TTN: variants seen among roughly 807,000 people sequenced by gnomAD.
TTN encodes the protein titin, also known as connectin.
A neutral mutation model predicts 3,223.0 loss-of-function variants in TTN; 1,525 were observed. The ratio of observed to expected loss-of-function variants is 0.47; its 90% CI spans 0.45 to 0.49. The LOEUF is 0.49. Ranked by LOEUF, TTN falls within the 20% of genes least tolerant of loss-of-function variation. The pLI, the probability that TTN is intolerant of heterozygous loss-of-function variation, is 0.00. For synonymous variants in TTN, 14,094 were observed against 15,161.0 expected, an observed-to-expected ratio of 0.93 and a Z score of 5.17; for missense variants, 40,786 against 43,424.0, an observed-to-expected ratio of 0.94 and a Z score of 5.40.
chr2:178,639,419 GC>G (rs910947569), intron 223 of TTN, among the ~76,000 whole-genome samples: 2 of 151,892 alleles, frequency 1.3e-5, no homozygotes, highest in African/African-American at 4.8e-5. Flanking sequence ...GTTTTTATCA[GC>G]CCCAAACATA....
At chr2:178,556,587 A>G in intron 330 of TTN, 1 of 488,778 alleles carries the variant, frequency 2.0e-6, no homozygotes, top group Non-Finnish European at 3.6e-6. Flanking sequence ...GCACCAACTC[A>G]TACAATCAAT....
chr2:178,604,781 T>C lies in TTN; in HGVS notation c.54308A>G (p.Asp18103Gly). The C allele has an allele frequency of 6.2e-7, 1 of 1,612,380 alleles. No homozygotes were observed. Residue 18103 changes from aspartate to glycine, a missense_variant, in exon 281 of 363, where the codon GAC (aspartate) becomes GGC (glycine). Asp to Gly is a moderately conservative substitution (Grantham distance 94, BLOSUM62 -1). Coordinates refer to ENST00000589042, the MANE Select transcript of TTN (RefSeq NM_001267550.2). ...TTTCTTCCTACTTGCATCACGTTTG[T>C]CAATAACATAATGGGTGATTTCACT... ...GGSEITHYVIDKRDASRKKAE... is the reference protein window; with the variant it reads ...GGSEITHYVIGKRDASRKKAE...
chr2:178,677,114 A>T, intron 147 of TTN, 87 bp downstream of exon 147: 1 of 809,238 alleles, frequency 1.2e-6, no homozygotes, highest in Non-Finnish European at 1.6e-6. Context: ...CATTTTGTAA[A>T]TATAATTTTC....
Position 178,766,628 on chromosome 2 carries a change from C to A in TTN, c.9472-16G>T. On this transcript the variant is annotated splice_polypyrimidine_tract_variant and intron_variant, in intron 40 of 362. Transcript: ENST00000589042. ...TCTCAATGACCTGTTGATGGAACAA[C>A]ATAAAAAAACAACAACAACAACAAA... 1 of 1,593,290 alleles carries A rather than the reference C, an allele frequency of 6.3e-7. No individual in the cohort carries two copies. The highest frequency in any genetic ancestry group is 8.6e-7 in the Non-Finnish European group (1 of 1,162,856).
At chr2:178,708,589 A>G (rs2154293657) in intron 99 of TTN, among the ~76,000 whole-genome samples, 1 of 152,222 alleles carries the variant, frequency 6.6e-6, no homozygotes, top group East Asian at 1.9e-4. Flanking sequence ...AATTCTATAG[A>G]AAGCATTTAT....
chr2:178,787,019 C>G (rs16866534), intron 13 of TTN, among the ~76,000 whole-genome samples: 1 of 152,052 alleles, frequency 6.6e-6, no homozygotes, highest in South Asian at 2.1e-4. Context: ...CTATGTGATA[C>G]TTGGAAACAG....
At chr2:178,789,628 C>A in intron 12 of TTN, 131 bp from the exon 13 acceptor site, 1 of 1,254,526 alleles carries the variant, frequency 8.0e-7, no homozygotes, top group South Asian at 1.3e-5. Flanking sequence ...AATAAACTTT[C>A]ACCGGCAATG....
rs757441189 is a variant in TTN, at chr2:178,563,070, G to A, written c.83062C>T (p.Arg27688Cys). Residue 27688 changes from arginine to cysteine, a missense_variant, in exon 326 of 363, where the codon CGT becomes TGT. Coordinates refer to ENST00000589042, the MANE Select transcript of TTN (RefSeq NM_001267550.2). The surrounding 1 kb of genome is among the most constrained non-coding windows in gnomAD (Gnocchi z 4.5). ...DADLRKVVVL[R>C]ASATLRLFVT... ...AATAAGCGTAAAGTAGCACTTGCAC[G>A]CAGAACGACCACCTTTCTGAGATCA... 3 of 1,613,612 alleles carry A rather than the reference G, an allele frequency of 1.9e-6. No individual in the cohort carries two copies. Among genetic ancestry groups the A allele is most frequent in the African/African-American group, 1.3e-5 (1 of 74,976 alleles).
In TTN at chr2:178,634,863, G is replaced by C. The variant is rs769697430; in HGVS notation, c.42025-14C>G. 6.2e-7 allele frequency: 1 copy of C among 1,601,548 alleles called. No individual in the cohort carries two copies. Among genetic ancestry groups the C allele is most frequent in the African/African-American group, 1.4e-5 (1 of 73,906 alleles). ...GATTTCACAAGTCTGAAAAACAATA[G>C]TTTTAGTAACCATTTGAAAGAGATA... On this transcript the variant is annotated splice_polypyrimidine_tract_variant and intron_variant, in intron 228 of 362. Transcript: ENST00000589042. This position sits in a 1 kb window ranked among gnomAD's most constrained non-coding sequence, Gnocchi z 4.6.
At position 178,732,710 on chromosome 2, in the gene TTN, T is replaced by C. The variant is rs760722200; in HGVS notation, c.16351A>G (p.Ser5451Gly). ...TTTGAGCCGGGTTTAGTTACAAAAC[T>C]GGGTGGTTCTGAAGAAGGGGTATAA... ...SGALIVQEPP[S>G]FVTKPGSKDV... Residue 5451 changes from serine (S) to glycine (G), a missense_variant, in exon 56 of 363, where the codon AGT becomes GGT. Ser to Gly is a moderately conservative substitution (Grantham distance 56, BLOSUM62 0). Coordinates refer to ENST00000589042, the MANE Select transcript of TTN (RefSeq NM_001267550.2). The C allele has an allele frequency of 2.7e-5, 43 of 1,588,744 alleles. No individual in the cohort carries two copies. Among genetic ancestry groups the C allele is most frequent in the Middle Eastern group, 1.7e-4 (1 of 5,924 alleles).
rs375388374 is a variant in TTN, at chr2:178,776,121, C to T, written c.5743G>A (p.Glu1915Lys). The stretch of plus-strand genomic sequence containing the variant: ...TGCTCTATCACACCTTCAGGATTTT[C>T]CGCGGTGACCTTCACTTCACCTGTG... Reference protein sequence around the residue: ...YDTGEVKVTAENPEGVIEHKV... With the variant: ...YDTGEVKVTAKNPEGVIEHKV... The change falls in exon 28 of 363, where the codon GAA becomes AAA. Residue 1915 changes from glutamate to lysine, a missense_variant. Physicochemically the swap from Glu to Lys is moderately conservative, Grantham distance 56. Coordinates refer to ENST00000589042, the MANE Select transcript of TTN (RefSeq NM_001267550.2). 1.2e-6 allele frequency: 2 copies of T among 1,614,044 alleles called. No homozygotes were observed. The highest frequency in any genetic ancestry group is 2.7e-5 in the African/African-American group (2 of 74,930).
intron 115 of TTN, 35 bp from the exon 116 acceptor site, chr2:178,694,941 G>A (rs773798872): frequency 2.7e-5 from 39 of 1,437,742 alleles, no homozygotes; most frequent in Admixed American, 6.2e-5. Context: ...AGTACTTTTA[G>A]AATTCCTATT....
chr2:178,562,396 G>C lies in TTN; in HGVS notation c.83736C>G (p.Thr27912=), dbSNP rs1383463620. Residue 27912 remains threonine (T), a synonymous_variant, in exon 326 of 363, where the codon ACC becomes ACG. Coordinates refer to ENST00000589042, the MANE Select transcript of TTN (RefSeq NM_001267550.2). ...MQTKGSEKWS[T]CTQVKTLEAT... The stretch of plus-strand genomic sequence containing the variant: ...CTTCTAGAGTCTTAACTTGTGTGCA[G>C]GTGCTCCACTTTTCACTCCCTTTAG... 1.9e-6 allele frequency: 3 copies of C among 1,611,630 alleles called. No homozygotes were observed. The highest frequency in any genetic ancestry group is 1.3e-5 in the African/African-American group (1 of 74,894).
intron 203 of TTN, 36 bp from the exon 204 acceptor site, chr2:178,652,215 AG>A (rs1447682642): frequency 6.2e-7 from 1 of 1,612,664 alleles, no homozygotes; most frequent in South Asian, 1.1e-5. Flanking sequence ...TGTTAGACAA[AG>A]TAAAGACAAA....
intron 213 of TTN, among the ~76,000 whole-genome samples, chr2:178,648,336 A>C (rs2062359556): frequency 6.6e-6 from 1 of 152,156 alleles, no homozygotes; most frequent in East Asian, 1.9e-4. Context: ...CAATCCTTGA[A>C]CATTCTAGAC....
In TTN at chr2:178,608,254, T is replaced by C. The variant is rs748001472; in HGVS notation, c.52629A>G (p.Arg17543=). The change falls in exon 275 of 363, where the codon AGA becomes AGG. Residue 17543 remains arginine, a synonymous_variant. Coordinates refer to ENST00000589042, the MANE Select transcript of TTN (RefSeq NM_001267550.2). ...GLLEGLTYVF[R]VCAENAAGPG... is the part of the protein sequence containing the mutation. ...GTCCAGCTGCATTTTCAGCACATACTCTGAAGACATAGGTGAGTCCTTCTA... is the reference window on the plus strand; with the variant it reads ...GTCCAGCTGCATTTTCAGCACATACCCTGAAGACATAGGTGAGTCCTTCTA... The C allele has an allele frequency of 6.2e-7, 1 of 1,611,008 alleles. No homozygotes were observed. The highest frequency in any genetic ancestry group is 8.5e-7 in the Non-Finnish European group (1 of 1,178,508).
chr2:178,546,171 G>A (rs750072688), intron 342 of TTN, 41 bp downstream of exon 342: 3 of 1,589,100 alleles, frequency 1.9e-6, no homozygotes. Flanking sequence ...TGCCCACACT[G>A]GAAAATGCTA....
chr2:178,531,186 GC>G lies in TTN; in HGVS notation c.105428del (p.Gly35143AlafsTer18), dbSNP rs886042825. On this transcript the variant is annotated frameshift_variant, in exon 358 of 363. Coordinates refer to ENST00000589042, the MANE Select transcript of TTN (RefSeq NM_001267550.2). LOFTEE classifies it high-confidence loss of function. ...TKPRSMTVYE[G>X]ESARFSCDTD... The stretch of plus-strand genomic sequence containing the variant: ...TGTCACAAGAAAACCTTGCAGACTC[GC>G]CCTCGTAGACGGTCATGGACCGTGG... The G allele has an allele frequency of 6.2e-7, 1 of 1,613,922 alleles. No homozygotes were observed. The highest frequency in any genetic ancestry group is 8.5e-7 in the Non-Finnish European group (1 of 1,179,872).
chr2:178,690,454 T>C (rs954857239), intron 121 of TTN, among the ~76,000 whole-genome samples: 2 of 152,200 alleles, frequency 1.3e-5, no homozygotes, highest in African/African-American at 2.4e-5. Flanking sequence ...CATGTGTTAA[T>C]GACTTTACAG....
Sources: allele counts gnomAD v4.1 joint callset (sites outside exome capture counted in the v4.1 genomes callset), GRCh38; gene constraint gnomAD v4.1.1; non-coding constraint Gnocchi (gnomAD v3.1); transcripts MANE v1.5; gene names NCBI Gene and HGNC (gene_info 2026-07-23, HGNC 2026-07-21).